Variants in EEFSEC observed in about 807,000 individuals in gnomAD.
EEFSEC encodes eukaryotic elongation factor, selenocysteine-tRNA specific.
Under a neutral mutation model 42.1 loss-of-function variants are expected in EEFSEC, and 43 were observed. The observed-to-expected ratio is 1.02, with a 90% CI of 0.80 to 1.32. The LOEUF is 1.32. Ranked by LOEUF, EEFSEC falls within the 40% of genes most tolerant of loss-of-function variation. The pLI is 0.00. For missense variants in EEFSEC, 745 were observed against 803.6 expected, an observed-to-expected ratio of 0.93 and a Z score of 0.88; for synonymous variants, 354 against 339.1, an observed-to-expected ratio of 1.04 and a Z score of -0.48.
intron 4 of EEFSEC, among the ~76,000 whole-genome samples, chr3:128,306,262 C>G (rs1349387805): frequency 6.6e-6 from 1 of 152,172 alleles, no homozygotes; most frequent in Non-Finnish European, 1.5e-5. Context: ...AAACCCCCCA[C>G]CTTATAATAT....
intron 1 of EEFSEC, among the ~76,000 whole-genome samples, chr3:128,246,310 C>T (rs913707216): frequency 2.6e-5 from 4 of 152,118 alleles, no homozygotes; most frequent in African/African-American, 2.4e-5. Flanking sequence ...CTCCTAACAC[C>T]CCAGAAGGAA....
At chr3:128,240,374 G>A (rs2066057647) in intron 1 of EEFSEC, among the ~76,000 whole-genome samples, 1 of 152,200 alleles carries the variant, frequency 6.6e-6, no homozygotes, top group Non-Finnish European at 1.5e-5. Flanking sequence ...TTGTGGATGA[G>A]GAAATTGAAG....
intron 5 of EEFSEC, among the ~76,000 whole-genome samples, chr3:128,352,238 G>C (rs575558961): frequency 6.6e-6 from 1 of 152,334 alleles, no homozygotes; most frequent in South Asian, 2.1e-4. Context: ...AGAGATGTAG[G>C]CCTCACAGCA....
chr3:128,220,185 AC>A (rs1366687751), intron 1 of EEFSEC, among the ~76,000 whole-genome samples: 1 of 152,176 alleles, frequency 6.6e-6, no homozygotes, highest in Non-Finnish European at 1.5e-5. Flanking sequence ...TGGAGCAGAG[AC>A]TTGAACCCAG....
intron 4 of EEFSEC, among the ~76,000 whole-genome samples, chr3:128,314,977 G>C (rs998369802): frequency 1.3e-5 from 2 of 152,174 alleles, no homozygotes; most frequent in African/African-American, 4.8e-5. Flanking sequence ...CACACCACCT[G>C]CTCTTCAGGG....
intron 5 of EEFSEC, 93 bp from the exon 6 acceptor site, chr3:128,358,124 G>A: frequency 6.6e-7 from 1 of 1,521,584 alleles, no homozygotes; most frequent in South Asian, 1.3e-5. Context: ...GCCATGCCTA[G>A]GGCCCGGGAG....
intron 1 of EEFSEC, among the ~76,000 whole-genome samples, chr3:128,156,985 C>G (rs551261377): frequency 3.3e-5 from 5 of 152,342 alleles, no homozygotes; most frequent in African/African-American, 1.2e-4. Context: ...AGCAAGGCCT[C>G]TTACACCACA....
intron 6 of EEFSEC, among the ~76,000 whole-genome samples, chr3:128,382,745 ACT>A (rs991135028): frequency 1.1e-4 from 16 of 151,304 alleles, no homozygotes; most frequent in African/African-American, 3.6e-4. Context: ...AATTCCTGCC[ACT>A]CTCAACTCTT....
At chr3:128,220,360 G>A (rs1483869729) in intron 1 of EEFSEC, among the ~76,000 whole-genome samples, 1 of 152,112 alleles carries the variant, frequency 6.6e-6, no homozygotes, top group Non-Finnish European at 1.5e-5. Context: ...GTGTTTATGT[G>A]GCTGTTCATT....
intron 4 of EEFSEC, among the ~76,000 whole-genome samples, chr3:128,283,322 T>G (rs2066549264): frequency 6.6e-6 from 1 of 152,222 alleles, no homozygotes; most frequent in African/African-American, 2.4e-5. Flanking sequence ...GTTTGATTAT[T>G]ATTAGTGATA....
chr3:128,159,302 C>T (rs1337912784), intron 1 of EEFSEC, among the ~76,000 whole-genome samples: 1 of 152,236 alleles, frequency 6.6e-6, no homozygotes, highest in African/African-American at 2.4e-5. Context: ...TAACCTGGAT[C>T]TGGTTAATAC....
At chr3:128,358,189 C>T in intron 5 of EEFSEC, 28 bp from the exon 6 acceptor site, 1 of 1,610,308 alleles carries the variant, frequency 6.2e-7, no homozygotes, top group South Asian at 1.1e-5. Flanking sequence ...CTAATGCCCT[C>T]TCTCTGTGGC....
chr3:128,262,338 CAGTT>C lies in EEFSEC; in HGVS notation c.621+115_621+118del, dbSNP rs2066307619. 5.5e-6 allele frequency: 5 copies of C among 901,954 alleles called. No homozygotes were observed. The South Asian group carries it at 7.8e-5, about 14-fold the overall frequency. The allele number at this position is 901,954 out of a possible 1,614,324, so 55.9% of individuals were successfully genotyped here. A position where few individuals can be genotyped will look rare whatever the true frequency, so the allele number is the denominator to read the frequency against. On this transcript the variant is annotated intron_variant, in intron 3 of 6. Coordinates refer to ENST00000254730, the MANE Select transcript of EEFSEC (RefSeq NM_021937.5). ...GAGAGGCAGCCCTAGCAAGAGGACT[CAGTT>C]GGTTCCATTAACCTCCCTGTTAACA...
chr3:128,392,569 C>G (rs1292691793), intron 6 of EEFSEC, among the ~76,000 whole-genome samples: 4 of 152,250 alleles, frequency 2.6e-5, no homozygotes, highest in Admixed American at 1.3e-4. Flanking sequence ...CGCTTAGGGC[C>G]TAGCTGTCAT....
At position 128,293,679 on chromosome 3, in the gene EEFSEC, A is replaced by AAAAC. The variant is rs2066671732; in HGVS notation, c.786+28901_786+28902insCAAA. On this transcript the variant is annotated intron_variant, in intron 4 of 6. Coordinates refer to ENST00000254730, the MANE Select transcript of EEFSEC (RefSeq NM_021937.5). ...CTATCTCAAAAAAAAAAAAAAAAAA[A>AAAAC]AAAAAAAACTTCCCTTATAGGATCA... is the stretch of plus-strand genomic sequence containing the variant. Among the ~76,000 whole-genome samples, 22 of 133,444 alleles carry AAAAC rather than the reference A, an allele frequency of 1.6e-4. 2 individuals are homozygous for AAAAC. Among genetic ancestry groups the AAAAC allele is most frequent in the East Asian group, 4.1e-4 (2 of 4,838 alleles). 87.5% of individuals were successfully genotyped at this position (133,444 alleles called of 152,430 possible). A position where few individuals can be genotyped will look rare whatever the true frequency, so the allele number is the denominator to read the frequency against.
chr3:128,177,393 A>ACCCCCCCCCCCCCCCCC (rs1559855853), intron 1 of EEFSEC, among the ~76,000 whole-genome samples: 1 of 133,866 alleles, frequency 7.5e-6, no homozygotes, highest in African/African-American at 2.8e-5. Flanking sequence ...AAATAGTGAC[A>ACCCCCCCCCCCCCCCCC]CCACCCCCAC....
intron 5 of EEFSEC, among the ~76,000 whole-genome samples, chr3:128,344,230 C>G (rs1197653064): frequency 6.6e-6 from 1 of 152,278 alleles, no homozygotes; most frequent in Non-Finnish European, 1.5e-5. Flanking sequence ...CTGCCTCCCT[C>G]CACTCTGTCA....
chr3:128,232,993 A>C (rs1272189113), intron 1 of EEFSEC, among the ~76,000 whole-genome samples: 1 of 152,164 alleles, frequency 6.6e-6, no homozygotes, highest in Non-Finnish European at 1.5e-5. Context: ...ATCAGTGTCT[A>C]CTTCATTGCC....
chr3:128,237,379 G>A (rs985453162), intron 1 of EEFSEC, among the ~76,000 whole-genome samples: 1 of 150,456 alleles, frequency 6.6e-6, no homozygotes, highest in Non-Finnish European at 1.5e-5. Flanking sequence ...GTACTTTTTT[G>A]GTTTTCTGTT....
Sources: gnomAD v4.1 joint callset for allele counts (sites outside exome capture counted in the v4.1 genomes callset) on GRCh38, gnomAD v4.1.1 for gene constraint, MANE v1.5 for transcripts, NCBI Gene and HGNC (gene_info 2026-07-23, HGNC 2026-07-21) for gene names.